POU2F2: variants seen among roughly 807,000 people sequenced by gnomAD.
The protein encoded by POU2F2 is POU domain, class 2, transcription factor 2.
A neutral mutation model predicts 63.5 loss-of-function variants in POU2F2; 14 were observed. That is an observed-to-expected ratio of 0.22 (90% CI 0.15 to 0.34). POU2F2 has a LOEUF of 0.34. Among genes scored for constraint, POU2F2 ranks in the 10% least tolerant of loss-of-function variants. The pLI, the probability that POU2F2 is intolerant of heterozygous loss-of-function variation, is 1.00. For missense variants in POU2F2, 607 were observed against 815.2 expected (o/e 0.74, Z 3.11); for synonymous variants, 306 against 348.6 (o/e 0.88, Z 1.36).
chr19:42,152,713 A>ATGG lies in POU2F2; in HGVS notation c.-9+7616_-9+7618dup, dbSNP rs1334214401. 2 of 152,262 alleles carry ATGG rather than the reference A, an allele frequency of 1.3e-5. No homozygotes were observed. Among genetic ancestry groups the ATGG allele is most frequent in the African/African-American group, 4.8e-5 (2 of 41,442 alleles). The allele number at this position is 152,262 out of a possible 1,614,324, so 9.4% of individuals were successfully genotyped here. On this transcript the variant is annotated intron_variant, in intron 2 of 6. Coordinates refer to the POU2F2 transcript ENST00000524801. This position sits in a 1 kb window ranked among gnomAD's most constrained non-coding sequence, Gnocchi z 4.1. ...TGGACAGCCGGGAGAGGGGGTGAGT[A>ATGG]TGGGAGTGGGCAAGGAAGCAGATGG... is the stretch of plus-strand genomic sequence containing the variant.
rs763214324 is a variant in POU2F2, at chr19:42,099,509, C to T, written c.567+18G>A. Reference sequence around the variant, plus strand: ...CTTGCTGCTGGCCTGGCCTGGTGCACTCAATGGACAGTCTCACCTGTGTGG... The same window carrying T: ...CTTGCTGCTGGCCTGGCCTGGTGCATTCAATGGACAGTCTCACCTGTGTGG... On this transcript the variant is annotated intron_variant, in intron 7 of 14. Transcript: ENST00000692977. 4.9e-5 allele frequency: 78 copies of T among 1,591,402 alleles called. No individual in the cohort carries two copies. In the Admixed American group the frequency reaches 1.3e-3, roughly 26 times the overall value.
At chr19:42,189,130 G>A (rs1395047681) in intron 1 of POU2F2, among the ~76,000 whole-genome samples, 1 of 152,184 alleles carries the variant, frequency 6.6e-6, no homozygotes, top group Non-Finnish European at 1.5e-5. Context: ...TCAAATGCAA[G>A]GTGAAGGCCG....
intron 1 of POU2F2, among the ~76,000 whole-genome samples, chr19:42,171,431 C>CGTGT (rs71336804): frequency 0.028 from 3,939 of 138,584 alleles, 67 homozygotes; most frequent in Non-Finnish European, 0.038. Context: ...GGCTGCGCTT[C>CGTGT]GTGTGTGTGT....
At chr19:42,133,191 G>A (rs1049458924), upstream of POU2F2, among the ~76,000 whole-genome samples, 2 of 152,210 alleles carry the variant, frequency 1.3e-5, no homozygotes, top group Non-Finnish European at 2.9e-5. This position sits in a 1 kb window ranked among gnomAD's most constrained non-coding sequence, Gnocchi z 5.1. Context: ...CCGGGCTGCC[G>A]GCTGGCTCTT....
At chr19:42,144,466 G>A (rs1475473812) in intron 2 of POU2F2, among the ~76,000 whole-genome samples, 1 of 152,208 alleles carries the variant, frequency 6.6e-6, no homozygotes, top group Non-Finnish European at 1.5e-5. Flanking sequence ...TGCTCAGCCT[G>A]GGCAAGCGCC....
At chr19:42,177,504 CAGAGACACAG>C (rs1199149855), upstream of POU2F2, among the ~76,000 whole-genome samples, 4 of 150,804 alleles carry the variant, frequency 2.7e-5, no homozygotes, top group Non-Finnish European at 5.9e-5. Context: ...CCGAGACCCA[CAGAGACACAG>C]AGAGACACAG....
intron 1 of POU2F2, among the ~76,000 whole-genome samples, chr19:42,171,820 T>C (rs944935552): frequency 6.6e-6 from 1 of 152,102 alleles, no homozygotes; most frequent in Non-Finnish European, 1.5e-5. Context: ...CCCAACCTTG[T>C]TGGTTTCTGT....
chr19:42,092,770 A>G lies in POU2F2; in HGVS notation c.1265-500T>C, dbSNP rs1457754417. 3.9e-5 allele frequency among the ~76,000 whole-genome samples: 6 copies of G among 152,040 alleles called. No homozygotes were observed. Among genetic ancestry groups the G allele is most frequent in the Admixed American group, 2.6e-4 (4 of 15,266 alleles). Reference sequence around the variant, plus strand: ...TCTGACCTTCAGATCCCTTGTCTGGAAAATGGGGATAATAATAGACCCTAT... The same window carrying G: ...TCTGACCTTCAGATCCCTTGTCTGGGAAATGGGGATAATAATAGACCCTAT... On this transcript the variant is annotated intron_variant, in intron 12 of 14. Coordinates refer to ENST00000692977, the MANE Select transcript of POU2F2 (RefSeq NM_001394376.1). This position sits in a 1 kb window ranked among gnomAD's most constrained non-coding sequence, Gnocchi z 5.0.
intron 2 of POU2F2, among the ~76,000 whole-genome samples, chr19:42,140,265 TC>T (rs1485648608): frequency 6.6e-6 from 1 of 152,056 alleles, no homozygotes; most frequent in Non-Finnish European, 1.5e-5. Flanking sequence ...CTTCCTGTTC[TC>T]TAGCTCCCAC....
intron 5 of POU2F2, chr19:42,110,677 C>T (rs2030948199): frequency 4.4e-6 from 2 of 454,642 alleles, no homozygotes; most frequent in South Asian, 1.6e-5. Flanking sequence ...GACTGCCCCT[C>T]ACACACCTCA....
chr19:42,172,695 C>G (rs185621185), intron 1 of POU2F2, among the ~76,000 whole-genome samples: 2 of 152,200 alleles, frequency 1.3e-5, no homozygotes, highest in African/African-American at 4.8e-5. Flanking sequence ...AGCCCCAAAC[C>G]ATCACTGATG....
upstream of POU2F2, chr19:42,132,476 G>A: frequency 7.3e-7 from 1 of 1,378,096 alleles, no homozygotes; most frequent in East Asian, 2.8e-5. Flanking sequence ...TGGGGGCCGA[G>A]CCCTCCCTGC....
chr19:42,121,121 G>A (rs2032557355), intron 4 of POU2F2, among the ~76,000 whole-genome samples: 3 of 152,298 alleles, frequency 2.0e-5, no homozygotes, highest in East Asian at 3.9e-4. Context: ...AGAACAGACT[G>A]CAAAGATCTG....
intron 11 of POU2F2, among the ~76,000 whole-genome samples, chr19:42,094,580 C>G (rs1367766507): frequency 1.3e-5 from 2 of 152,210 alleles, no homozygotes; most frequent in Non-Finnish European, 2.9e-5. Context: ...TACATGCCCC[C>G]ACTCCTTCCC....
intron 11 of POU2F2, 136 bp from the exon 12 acceptor site, chr19:42,094,031 A>G: frequency 1.5e-6 from 1 of 660,118 alleles, no homozygotes. Flanking sequence ...GTATTATTCC[A>G]CATGCTTTCT....
rs557669723 is a variant in POU2F2 at position 42,152,290 on chromosome 19, G to T, written c.-9+8042C>A. ...TGACTCTCGGGGAGAGGGCCGCAGCGAAGAAGAAGAGGGGGAGAATAAGGC... is the reference window on the plus strand; with the variant it reads ...TGACTCTCGGGGAGAGGGCCGCAGCTAAGAAGAAGAGGGGGAGAATAAGGC... On this transcript the variant is annotated intron_variant, in intron 2 of 6. Transcript: ENST00000524801. This position sits in a 1 kb window ranked among gnomAD's most constrained non-coding sequence, Gnocchi z 4.1. Among the ~76,000 whole-genome samples the T allele has an allele frequency of 2.0e-5, 3 of 152,062 alleles. No homozygotes were observed. The highest frequency in any genetic ancestry group is 7.2e-5 in the African/African-American group (3 of 41,416).
At position 42,095,173 on chromosome 19, in the gene POU2F2, G is replaced by T; in HGVS notation, c.1197+113C>A. 7.6e-7 allele frequency: 1 copy of T among 1,313,086 alleles called. No individual in the cohort carries two copies. Among genetic ancestry groups the T allele is most frequent in the Non-Finnish European group, 1.0e-6 (1 of 980,570 alleles). The allele number at this position is 1,313,086 out of a possible 1,614,324, so 81.3% of individuals were successfully genotyped here. ...TCTACGTGATGGCCTGTCTCCAAGA[G>T]TGACTCTTCTTGTCTCTGTTCTAGG... On this transcript the variant is annotated intron_variant, in intron 11 of 14. Transcript: ENST00000692977. The surrounding 1 kb of genome is among the most constrained non-coding windows in gnomAD (Gnocchi z 7.1).
intron 7 of POU2F2, among the ~76,000 whole-genome samples, chr19:42,097,192 G>GT (rs778449653): frequency 0.032 from 3,733 of 117,692 alleles, 100 homozygotes; most frequent in East Asian, 0.074. Context: ...GAATTTTTCA[G>GT]TTTTTTTTTT....
At chr19:42,093,785 C>A in intron 12 of POU2F2, 44 bp downstream of exon 12, 1 of 1,570,406 alleles carries the variant, frequency 6.4e-7, no homozygotes, top group South Asian at 1.1e-5. Context: ...CAGCCTGTGC[C>A]ACATCCTCCC....
Sources: gnomAD v4.1 joint callset for allele counts (sites outside exome capture counted in the v4.1 genomes callset) on GRCh38, gnomAD v4.1.1 for gene constraint, Gnocchi (gnomAD v3.1) non-coding constraint, MANE v1.5 for transcripts, NCBI Gene and HGNC (gene_info 2026-07-23, HGNC 2026-07-21) for gene names.